DIS3L2: variants seen among roughly 807,000 people sequenced by gnomAD.
DIS3L2 encodes the protein DIS3 like 3'-5' exoribonuclease 2.
In DIS3L2, 34 loss-of-function variants were observed where a neutral mutation model predicts 97.5. That is an observed-to-expected ratio of 0.35 (90% CI 0.27 to 0.46). The LOEUF is 0.46. Among genes scored for constraint, DIS3L2 ranks in the 20% least tolerant of loss-of-function variants. DIS3L2 has a pLI of 1.00. For missense variants in DIS3L2, 1,038 were observed against 1,146.0 expected, an observed-to-expected ratio of 0.91 and a Z score of 1.36; for synonymous variants, 435 against 445.2, an observed-to-expected ratio of 0.98 and a Z score of 0.29.
chr2:232,175,004 T>C (rs978155194), intron 9 of DIS3L2, among the ~76,000 whole-genome samples: 1 of 152,114 alleles, frequency 6.6e-6, no homozygotes, highest in African/African-American at 2.4e-5. Context: ...AATTTTTGTA[T>C]TTTTTGTGGA....
chr2:232,225,570 G>A (rs1692622255), intron 10 of DIS3L2, among the ~76,000 whole-genome samples: 1 of 152,160 alleles, frequency 6.6e-6, no homozygotes, highest in Non-Finnish European at 1.5e-5. Flanking sequence ...TTTGGTGAGT[G>A]TAAAGACTGG....
intron 1 of DIS3L2, among the ~76,000 whole-genome samples, chr2:231,993,378 T>A (rs1693637414): frequency 6.6e-6 from 1 of 152,152 alleles, no homozygotes; most frequent in Admixed American, 6.5e-5. Context: ...CACGCCTGGC[T>A]GATTTTTGTA....
intron 1 of DIS3L2, among the ~76,000 whole-genome samples, chr2:232,002,964 T>G (rs1181511057): frequency 6.6e-6 from 1 of 152,188 alleles, no homozygotes; most frequent in Non-Finnish European, 1.5e-5. Context: ...CATTTCTGTG[T>G]GGTGAAATGA....
At chr2:232,327,655 C>G (rs1473576164) in intron 14 of DIS3L2, among the ~76,000 whole-genome samples, 2 of 152,126 alleles carry the variant, frequency 1.3e-5, no homozygotes, top group African/African-American at 4.8e-5. Flanking sequence ...ACAGGTGAGC[C>G]TAGAACAGTC....
chr2:232,190,066 G>T (rs1402653918), intron 9 of DIS3L2, among the ~76,000 whole-genome samples: 1 of 152,110 alleles, frequency 6.6e-6, no homozygotes, highest in Non-Finnish European at 1.5e-5. Context: ...GTGGCTCAAC[G>T]CCTGTAATCT....
chr2:232,012,894 G>A (rs1428526299), intron 1 of DIS3L2, among the ~76,000 whole-genome samples: 2 of 152,048 alleles, frequency 1.3e-5, no homozygotes, highest in Non-Finnish European at 2.9e-5. Context: ...TGAACACTCC[G>A]TGTTACCATC....
At chr2:232,210,906 C>T (rs1283122350) in intron 10 of DIS3L2, among the ~76,000 whole-genome samples, 1 of 151,312 alleles carries the variant, frequency 6.6e-6, no homozygotes, top group Non-Finnish European at 1.5e-5. Context: ...TGGGCTACTC[C>T]CAGTAGGTTT....
At chr2:232,328,104 G>T (rs1695626285) in intron 14 of DIS3L2, among the ~76,000 whole-genome samples, 1 of 152,202 alleles carries the variant, frequency 6.6e-6, no homozygotes, top group Non-Finnish European at 1.5e-5. Context: ...GCTGGGAGGT[G>T]GGGTGGCACA....
intron 4 of DIS3L2, among the ~76,000 whole-genome samples, chr2:232,028,871 G>T (rs1694730635): frequency 6.6e-6 from 1 of 152,164 alleles, no homozygotes; most frequent in Admixed American, 6.5e-5. Flanking sequence ...TTGGCAGAGT[G>T]TGCAAGCCAC....
In DIS3L2 at chr2:232,010,751, T is replaced by C. The variant is rs112734377; in HGVS notation, c.-93-4084T>C. Reference sequence around the variant, plus strand: ...AAAAATTCTAGGAAGCTCTCACTCCTGGGTCCTGCAAGTGTGGGATTAGTA... The same window carrying C: ...AAAAATTCTAGGAAGCTCTCACTCCCGGGTCCTGCAAGTGTGGGATTAGTA... On this transcript the variant is annotated intron_variant, in intron 1 of 20. Coordinates refer to ENST00000325385, the MANE Select transcript of DIS3L2 (RefSeq NM_152383.5). 1.2e-4 allele frequency among the ~76,000 whole-genome samples: 19 copies of C among 152,356 alleles called. 2 individuals are homozygous for C. The highest frequency in any genetic ancestry group is 4.6e-4 in the African/African-American group (19 of 41,594).
At chr2:232,283,089 T>TTGTTACTAA (rs1479132347) in intron 13 of DIS3L2, among the ~76,000 whole-genome samples, 2 of 152,206 alleles carry the variant, frequency 1.3e-5, no homozygotes, top group Non-Finnish European at 2.9e-5. Context: ...TTTGCTTTAG[T>TTGTTACTAA]AACAACAAAC....
intron 9 of DIS3L2, among the ~76,000 whole-genome samples, chr2:232,177,305 A>C (rs1374122668): frequency 1.6e-4 from 23 of 147,154 alleles, no homozygotes; most frequent in East Asian, 1.2e-3. Context: ...ATTTATAGTC[A>C]TTTGGGTATA....
chr2:232,087,311 T>C (rs2106308938), intron 5 of DIS3L2, among the ~76,000 whole-genome samples, 176 bp from the exon 6 acceptor site: 1 of 152,326 alleles, frequency 6.6e-6, no homozygotes, highest in Admixed American at 6.5e-5. Flanking sequence ...CTGGATTGAT[T>C]ATGTGCATTA....
intron 12 of DIS3L2, among the ~76,000 whole-genome samples, chr2:232,258,575 A>T (rs1296012137): frequency 7.4e-6 from 1 of 135,670 alleles, no homozygotes; most frequent in Non-Finnish European, 1.5e-5. Flanking sequence ...AGAGTGACAG[A>T]GTGACAGAGC....
At chr2:231,981,608 AT>A (rs1693260932) in intron 1 of DIS3L2, among the ~76,000 whole-genome samples, 2 of 136,872 alleles carry the variant, frequency 1.5e-5, no homozygotes, top group Non-Finnish European at 3.2e-5. Flanking sequence ...TTATATATAT[AT>A]ATATATATAT....
chr2:232,333,774 G>A (rs1695843624), intron 16 of DIS3L2, 66 bp from the exon 17 acceptor site: 2 of 1,437,164 alleles, frequency 1.4e-6, no homozygotes, highest in South Asian at 1.6e-5. Flanking sequence ...TGTGGGTGGT[G>A]CCAGCCTTCC....
At chr2:232,184,738 G>A (rs1691390622) in intron 9 of DIS3L2, among the ~76,000 whole-genome samples, 1 of 152,228 alleles carries the variant, frequency 6.6e-6, no homozygotes, top group Non-Finnish European at 1.5e-5. Context: ...TGGGTAGCCT[G>A]ACATTCGTAT....
intron 1 of DIS3L2, among the ~76,000 whole-genome samples, chr2:231,985,574 A>G (rs1023575982): frequency 2.6e-5 from 4 of 152,234 alleles, no homozygotes; most frequent in Middle Eastern, 3.2e-3. Context: ...ATAAATGCTC[A>G]TGAGTGCATA....
chr2:231,978,201 A>T (rs1224116395), intron 1 of DIS3L2, among the ~76,000 whole-genome samples: 1 of 152,244 alleles, frequency 6.6e-6, no homozygotes, highest in Non-Finnish European at 1.5e-5. Context: ...TATATAGAAT[A>T]GCAGGACAAT....
Sources: allele counts gnomAD v4.1 joint callset (sites outside exome capture counted in the v4.1 genomes callset), GRCh38; gene constraint gnomAD v4.1.1; transcripts MANE v1.5; gene names NCBI Gene and HGNC (gene_info 2026-07-23, HGNC 2026-07-21).